LRP4: variants seen among roughly 807,000 people sequenced by gnomAD.
LRP4 encodes low-density lipoprotein receptor-related protein 4.
In LRP4, 95 loss-of-function variants were observed where a neutral mutation model predicts 220.3. That is an observed-to-expected ratio of 0.43 (90% CI 0.37 to 0.51). The LOEUF (loss-of-function observed/expected upper bound fraction) is 0.51. Among genes scored for constraint, LRP4 ranks in the 20% least tolerant of loss-of-function variants. The probability of loss-of-function intolerance (pLI) is 0.00; values close to 1 mark genes in which losing one functional copy is unlikely to be tolerated. For synonymous variants in LRP4, 903 were observed against 954.6 expected, an observed-to-expected ratio of 0.95 and a Z score of 1.00; for missense variants, 1,925 against 2,567.0, an observed-to-expected ratio of 0.75 and a Z score of 5.40.
At chr11:46,901,639 C>T (rs1941667111) in intron 2 of LRP4, among the ~76,000 whole-genome samples, 1 of 152,144 alleles carries the variant, frequency 6.6e-6, no homozygotes, top group Non-Finnish European at 1.5e-5. Flanking sequence ...AGACTATTGG[C>T]TTAGCAGGGA....
intron 12 of LRP4, among the ~76,000 whole-genome samples, 182 bp downstream of exon 12, chr11:46,894,407 T>G (rs1485063457): frequency 6.6e-6 from 1 of 152,230 alleles, no homozygotes; most frequent in Non-Finnish European, 1.5e-5. Flanking sequence ...AAATGTTATA[T>G]TTGAACCTAT....
At position 46,890,301 on chromosome 11, in the gene LRP4, G is replaced by A. The variant is rs749829375; in HGVS notation, c.1891C>T (p.His631Tyr). The part of the protein sequence containing the change: ...VIERANLDGS[H>Y]RKAVISQGLP... ...CCCTGGCTAATGACAGCCTTACGGTGACTCCCATCCAGATTGGCCCTCTCG... is the reference window on the plus strand; with the variant it reads ...CCCTGGCTAATGACAGCCTTACGGTAACTCCCATCCAGATTGGCCCTCTCG... Residue 631 changes from histidine (H) to tyrosine (Y), a missense_variant, in exon 14 of 38, where the codon CAC (histidine) becomes TAC (tyrosine). Around this residue, in one of 3 missense-constraint regions of LRP4, gnomAD observed 269 missense variants for 436.7 expected, o/e 0.62. Coordinates refer to ENST00000378623, the MANE Select transcript of LRP4 (RefSeq NM_002334.4). This position sits in a 1 kb window ranked among gnomAD's most constrained non-coding sequence, Gnocchi z 5.3. 6.2e-7 allele frequency: 1 copy of A among 1,614,130 alleles called. No homozygotes were observed. Among genetic ancestry groups the A allele is most frequent in the Admixed American group, 1.7e-5 (1 of 60,024 alleles).
rs1248064550 is a variant in LRP4 at position 46,899,691 on chromosome 11, CCA to C, written c.430+170_430+171del. ...AGAGACTGGGCCTCAGCCTCCTGGT[CCA>C]CAGTTTCTGGGGGGTCTGAGCGGCT... On this transcript the variant is annotated intron_variant, in intron 4 of 37. Transcript: ENST00000378623. The surrounding 1 kb of genome is among the most constrained non-coding windows in gnomAD (Gnocchi z 5.9). Among the ~76,000 whole-genome samples, 1 of 152,192 alleles carries C rather than the reference CCA, an allele frequency of 6.6e-6. No individual in the cohort carries two copies. Among genetic ancestry groups the C allele is most frequent in the Non-Finnish European group, 1.5e-5 (1 of 68,024 alleles).
rs1263565374 is a variant in LRP4 at position 46,899,667 on chromosome 11, G to A, written c.431-164C>T. Among the ~76,000 whole-genome samples the A allele has an allele frequency of 6.6e-6, 1 of 152,156 alleles. No homozygotes were observed. Among genetic ancestry groups the A allele is most frequent in the East Asian group, 1.9e-4 (1 of 5,188 alleles). ...CTCCAGGGAGAACGGAGGCCCTGGAGAGACTGGGCCTCAGCCTCCTGGTCC... is the reference window on the plus strand; with the variant it reads ...CTCCAGGGAGAACGGAGGCCCTGGAAAGACTGGGCCTCAGCCTCCTGGTCC... On this transcript the variant is annotated intron_variant, in intron 4 of 37. Transcript: ENST00000378623. This position sits in a 1 kb window ranked among gnomAD's most constrained non-coding sequence, Gnocchi z 5.9.
chr11:46,906,287 C>T (rs146123817), intron 1 of LRP4, among the ~76,000 whole-genome samples: 171 of 152,196 alleles, frequency 1.1e-3, no homozygotes, highest in African/African-American at 3.5e-3. Flanking sequence ...GAAAACCTGT[C>T]TCTACTAAAA....
intron 16 of LRP4, among the ~76,000 whole-genome samples, chr11:46,888,548 CAAAAAAAAAAAA>C (rs71042635): frequency 3.8e-4 from 12 of 31,314 alleles, no homozygotes; most frequent in South Asian, 9.1e-3. Flanking sequence ...AAAACTGTCT[CAAAAAAAAAAAA>C]AAAAAAAAAA....
Position 46,918,196 on chromosome 11 carries a change from C to T in LRP4, c.52+132G>A, listed in dbSNP as rs10437654. On this transcript the variant is annotated intron_variant, in intron 1 of 37. Coordinates refer to ENST00000378623, the MANE Select transcript of LRP4 (RefSeq NM_002334.4). This position sits in a 1 kb window ranked among gnomAD's most constrained non-coding sequence, Gnocchi z 6.0. ...GCCGCTCCGGGTCCTCTCCCCTGCA[C>T]GCAGCCCCAGGGCCACGGCTAGGAG... 2.0e-6 allele frequency: 2 copies of T among 1,006,820 alleles called. No individual in the cohort carries two copies. The highest frequency in any genetic ancestry group is 4.8e-5 in the Admixed American group (2 of 41,826). 62.4% of individuals were successfully genotyped at this position (1,006,820 alleles called of 1,614,324 possible). A position where few individuals can be genotyped will look rare whatever the true frequency, so the allele number is the denominator to read the frequency against.
At chr11:46,880,922 A>C (rs1032708257) in intron 20 of LRP4, among the ~76,000 whole-genome samples, 17 of 151,856 alleles carry the variant, frequency 1.1e-4, no homozygotes, top group Non-Finnish European at 2.5e-4. Flanking sequence ...AAAAAGAAAA[A>C]AACTAGCCAG....
Position 46,875,546 on chromosome 11 carries a change from C to T in LRP4, c.3835G>A (p.Asp1279Asn). ...DWQTRSIHRA[D>N]KGTGSNVILV... ...ATGACATTGCTGCCAGTACCCTTGT[C>T]AGCACGGTGGATGCTCCGAGTCTGC... is the stretch of plus-strand genomic sequence containing the variant. Residue 1279 changes from aspartate to asparagine, a missense_variant, in exon 27 of 38, where the codon GAC becomes AAC. Coordinates refer to ENST00000378623, the MANE Select transcript of LRP4 (RefSeq NM_002334.4). The surrounding 1 kb of genome is among the most constrained non-coding windows in gnomAD (Gnocchi z 4.5). 6.2e-7 allele frequency: 1 copy of T among 1,614,148 alleles called. No homozygotes were observed. The highest frequency in any genetic ancestry group is 1.7e-5 in the Admixed American group (1 of 60,022).
At position 46,861,522 on chromosome 11, in the gene LRP4, A is replaced by ATTTTTT. The variant is rs1565773314; in HGVS notation, c.5385+1083_5385+1084insAAAAAA. ...TAGTTAGTTTCCTTGTGGAAATGGG[A>ATTTTTT]CTTTTTTTTTTTTTTTTTTTTTTGA... On this transcript the variant is annotated intron_variant, in intron 37 of 37. Coordinates refer to ENST00000378623, the MANE Select transcript of LRP4 (RefSeq NM_002334.4). 1.9e-3 allele frequency among the ~76,000 whole-genome samples: 71 copies of ATTTTTT among 38,058 alleles called. 1 individual carries two copies. Among genetic ancestry groups the ATTTTTT allele is most frequent in the South Asian group, 7.1e-3 (4 of 566 alleles). The allele number at this position is 38,058 out of a possible 152,430, so 25.0% of individuals were successfully genotyped here. A position where few individuals can be genotyped will look rare whatever the true frequency, so the allele number is the denominator to read the frequency against.
chr11:46,896,871 G>T lies in LRP4; in HGVS notation c.920C>A (p.Thr307Lys). 1 of 1,614,168 alleles carries T rather than the reference G, an allele frequency of 6.2e-7. No homozygotes were observed. The highest frequency in any genetic ancestry group is 8.5e-7 in the Non-Finnish European group (1 of 1,179,984). The change falls in exon 8 of 38, where the codon ACA (threonine) becomes AAA (lysine). Residue 307 changes from threonine (T) to lysine (K), a missense_variant and splice_region_variant. By Grantham distance (78) the Thr-to-Lys change is moderately conservative (BLOSUM62 -1). This residue lies in a region of LRP4 where 412 missense variants were observed against 505.4 expected (regional missense o/e 0.82). Coordinates refer to ENST00000378623, the MANE Select transcript of LRP4 (RefSeq NM_002334.4). ...TGGGGCACCCCGGGAGACACCACCT[G>T]TATTCTCACAGTTCTCTTCATCGCT... ...DNSDEENCEN[T>K]GSPQCALDQF...
At position 46,899,831 on chromosome 11, in the gene LRP4, C is replaced by G. The variant is rs112786173; in HGVS notation, c.430+32G>C. 6.3e-7 allele frequency: 1 copy of G among 1,593,444 alleles called. No individual in the cohort carries two copies. The highest frequency in any genetic ancestry group is 2.2e-5 in the East Asian group (1 of 44,782). On this transcript the variant is annotated intron_variant, in intron 4 of 37. Transcript: ENST00000378623. The surrounding 1 kb of genome is among the most constrained non-coding windows in gnomAD (Gnocchi z 5.9). ...CATGGCCAGGCCACCCACTGGCCAC[C>G]TTGCCTGCCTTCCCCCGTTGGGGTC...
rs377698925 is a variant in LRP4 at position 46,871,687 on chromosome 11, C to G, written c.4584-54G>C. On this transcript the variant is annotated intron_variant, in intron 30 of 37. Coordinates refer to ENST00000378623, the MANE Select transcript of LRP4 (RefSeq NM_002334.4). The stretch of plus-strand genomic sequence containing the variant: ...TCCAAACGCTTGCCAGGGAGCCCAG[C>G]TCTTCCCCCTATGAACCTGTTTGTC... 1.9e-4 allele frequency: 233 copies of G among 1,196,134 alleles called. 2 individuals are homozygous for G. Among genetic ancestry groups the G allele is most frequent in the Non-Finnish European group, 2.6e-4 (213 of 819,994 alleles). 74.1% of individuals were successfully genotyped at this position (1,196,134 alleles called of 1,614,324 possible).
intron 13 of LRP4, 43 bp downstream of exon 13, chr11:46,892,930 C>G: frequency 2.5e-6 from 4 of 1,606,684 alleles, no homozygotes; most frequent in Non-Finnish European, 3.4e-6. Context: ...GGAGCTGTCC[C>G]GAGAGGTTGC....
intron 34 of LRP4, 51 bp from the exon 35 acceptor site, chr11:46,865,237 T>C: frequency 5.9e-6 from 8 of 1,344,552 alleles, no homozygotes; most frequent in Non-Finnish European, 8.4e-6. Flanking sequence ...TCAGTGAAGG[T>C]CATGCCTTCC....
chr11:46,879,670 G>A (rs1018315863), intron 20 of LRP4, among the ~76,000 whole-genome samples: 1 of 152,098 alleles, frequency 6.6e-6, no homozygotes, highest in Admixed American at 6.5e-5. Context: ...TCACAATAAC[G>A]GAACAGGCCA....
intron 7 of LRP4, among the ~76,000 whole-genome samples, chr11:46,897,334 C>CTTTTTTTTT (rs60604776): frequency 7.8e-6 from 1 of 128,076 alleles, no homozygotes; most frequent in Non-Finnish European, 1.6e-5. Context: ...GCCTGTTTGT[C>CTTTTTTTTT]TTTTTTTTTT....
Position 46,899,585 on chromosome 11 carries a change from C to G in LRP4, c.431-82G>C, listed in dbSNP as rs1941622424. On this transcript the variant is annotated intron_variant, in intron 4 of 37. Coordinates refer to ENST00000378623, the MANE Select transcript of LRP4 (RefSeq NM_002334.4). The surrounding 1 kb of genome is among the most constrained non-coding windows in gnomAD (Gnocchi z 5.9). ...CCCTCCTCTCTGACTCCCAACCTCA[C>G]TGGCTTTGGCGGGTCTGACCTAGCC... The G allele has an allele frequency of 1.9e-6, 2 of 1,041,978 alleles. No homozygotes were observed. Among genetic ancestry groups the G allele is most frequent in the East Asian group, 4.7e-5 (2 of 42,356 alleles). The allele number at this position is 1,041,978 out of a possible 1,614,324, so 64.5% of individuals were successfully genotyped here.
At chr11:46,879,382 T>G (rs1941097586) in intron 20 of LRP4, 67 bp from the exon 21 acceptor site, 4 of 1,548,156 alleles carry the variant, frequency 2.6e-6, no homozygotes, top group Non-Finnish European at 3.5e-6. Flanking sequence ...GGCAAAGAGC[T>G]CACTGTGGAC....
Sources: allele counts gnomAD v4.1 joint callset (sites outside exome capture counted in the v4.1 genomes callset), GRCh38; gene constraint gnomAD v4.1.1; regional missense constraint gnomAD v4.1.1; non-coding constraint Gnocchi (gnomAD v3.1); transcripts MANE v1.5; gene names NCBI Gene and HGNC (gene_info 2026-07-23, HGNC 2026-07-21).